TNFRSF11A: variants seen among roughly 807,000 people sequenced by gnomAD.
TNFRSF11A encodes TNF receptor superfamily member 11a.
In TNFRSF11A, 32 loss-of-function variants were observed where a neutral mutation model predicts 55.7. The ratio of observed to expected loss-of-function variants is 0.57; its 90% CI spans 0.43 to 0.77. The LOEUF is 0.77. Ranked by LOEUF, TNFRSF11A falls within the 30% of genes least tolerant of loss-of-function variation. The probability of loss-of-function intolerance (pLI) is 0.00; values close to 1 mark genes in which losing one functional copy is unlikely to be tolerated. For missense variants in TNFRSF11A, 753 were observed against 809.8 expected (o/e 0.93, Z 0.85); for synonymous variants, 311 against 331.0 (o/e 0.94, Z 0.65).
At chr18:62,357,539 A>T (rs1909349951) in intron 4 of TNFRSF11A, among the ~76,000 whole-genome samples, 1 of 152,186 alleles carries the variant, frequency 6.6e-6, no homozygotes. Flanking sequence ...ATTGCTTTTA[A>T]TGTATTGTTG....
At chr18:62,374,395 A>T (rs1287597694) in intron 9 of TNFRSF11A, among the ~76,000 whole-genome samples, 3 of 152,242 alleles carry the variant, frequency 2.0e-5, no homozygotes, top group Non-Finnish European at 2.9e-5. Context: ...TTACATTTCC[A>T]TAAAAAGGAA....
At chr18:62,328,690 C>T (rs1188929855) in intron 1 of TNFRSF11A, among the ~76,000 whole-genome samples, 1 of 152,164 alleles carries the variant, frequency 6.6e-6, no homozygotes, top group Non-Finnish European at 1.5e-5. Context: ...TTTCCTCCTG[C>T]CCCCCATCCC....
intron 8 of TNFRSF11A, 117 bp downstream of exon 8, chr18:62,366,877 C>A: frequency 9.3e-7 from 1 of 1,074,142 alleles, no homozygotes; most frequent in Non-Finnish European, 1.4e-6. Context: ...GAGACGGAGT[C>A]TCGCTCTGTG....
intron 3 of TNFRSF11A, among the ~76,000 whole-genome samples, chr18:62,353,898 C>G (rs1043864243): frequency 2.6e-5 from 4 of 152,110 alleles, no homozygotes; most frequent in Non-Finnish European, 4.4e-5. Flanking sequence ...GCCTCTGTAC[C>G]CTCTCCATGC....
intron 1 of TNFRSF11A, among the ~76,000 whole-genome samples, chr18:62,327,500 C>T (rs1278322951): frequency 6.6e-6 from 1 of 152,214 alleles, no homozygotes; most frequent in Non-Finnish European, 1.5e-5. Context: ...AGACTAGATG[C>T]AGCCTTAAAA....
Position 62,369,485 on chromosome 18 carries a change from G to T in TNFRSF11A, c.1567+1G>T. 6.2e-7 allele frequency: 1 copy of T among 1,605,066 alleles called. No individual in the cohort carries two copies. On this transcript the variant is annotated splice_donor_variant, in intron 9 of 9. Coordinates refer to ENST00000586569, the MANE Select transcript of TNFRSF11A (RefSeq NM_003839.4). LOFTEE classifies it high-confidence loss of function. ...CCTGGTGGCCAGTCCCCTGCATCTG[G>T]TAAGTGACTTCCCAGTCTCTCACTT... is the stretch of plus-strand genomic sequence containing the variant.
Position 62,383,684 on chromosome 18 carries a change from T to G in TNFRSF11A, c.1568-1067T>G, listed in dbSNP as rs1911453043. On this transcript the variant is annotated intron_variant, in intron 9 of 9. Transcript: ENST00000586569. The surrounding 1 kb of genome is among the most constrained non-coding windows in gnomAD (Gnocchi z 4.2). ...TTGCCTAACATTTGTTGGACTTTGT[T>G]TGTTTTTCAAAAGGCCCGTTGCTGA... is the stretch of plus-strand genomic sequence containing the variant. Among the ~76,000 whole-genome samples the G allele has an allele frequency of 6.6e-6, 1 of 152,134 alleles. No individual in the cohort carries two copies. The highest frequency in any genetic ancestry group is 2.4e-5 in the African/African-American group (1 of 41,420).
At chr18:62,335,653 C>T (rs1325132499) in intron 1 of TNFRSF11A, among the ~76,000 whole-genome samples, 1 of 152,148 alleles carries the variant, frequency 6.6e-6, no homozygotes, top group African/African-American at 2.4e-5. Context: ...CGTGTTCAGT[C>T]CTTATTAGAA....
intron 7 of TNFRSF11A, among the ~76,000 whole-genome samples, chr18:62,365,992 ATT>A (rs1347278242): frequency 1.3e-5 from 2 of 151,910 alleles, no homozygotes; most frequent in Non-Finnish European, 2.9e-5. Flanking sequence ...TAATTTTTGT[ATT>A]TTTAGTAGAG....
chr18:62,372,466 T>C (rs1461123152), intron 9 of TNFRSF11A, among the ~76,000 whole-genome samples: 1 of 151,348 alleles, frequency 6.6e-6, no homozygotes, highest in African/African-American at 2.4e-5. Context: ...CTGGAGAAAG[T>C]TGGGGTGGTC....
intron 1 of TNFRSF11A, among the ~76,000 whole-genome samples, chr18:62,341,244 G>A (rs1409677558): frequency 6.6e-6 from 1 of 152,134 alleles, no homozygotes; most frequent in Non-Finnish European, 1.5e-5. Flanking sequence ...ACCACTCATC[G>A]CCAATTTCAC....
At chr18:62,354,190 C>A (rs1568482040) in intron 3 of TNFRSF11A, among the ~76,000 whole-genome samples, 2 of 152,160 alleles carry the variant, frequency 1.3e-5, no homozygotes, top group African/African-American at 2.4e-5. Context: ...GAGAGAAGAA[C>A]CCCCCCGTGA....
chr18:62,379,504 T>C (rs1911119714), intron 9 of TNFRSF11A, among the ~76,000 whole-genome samples: 1 of 152,242 alleles, frequency 6.6e-6, no homozygotes, highest in Admixed American at 6.5e-5. Context: ...TGAAAACTAC[T>C]GAATACTTTG....
At chr18:62,348,324 AG>A in intron 2 of TNFRSF11A, 75 bp downstream of exon 2, 1 of 1,391,816 alleles carries the variant, frequency 7.2e-7, no homozygotes, top group African/African-American at 1.4e-5. Context: ...TCTGTCTGCC[AG>A]ATGAAAAAAA....
At chr18:62,372,524 C>G (rs1019153312) in intron 9 of TNFRSF11A, among the ~76,000 whole-genome samples, 2 of 149,812 alleles carry the variant, frequency 1.3e-5, no homozygotes, top group Non-Finnish European at 3.0e-5. Context: ...TTAATTATTT[C>G]AACTTTTATC....
At position 62,368,771 on chromosome 18, in the gene TNFRSF11A, T is replaced by G; in HGVS notation, c.854T>G (p.Val285Gly). The G allele has an allele frequency of 6.2e-7, 1 of 1,614,182 alleles. No individual in the cohort carries two copies. The highest frequency in any genetic ancestry group is 8.5e-7 in the Non-Finnish European group (1 of 1,180,022). Residue 285 changes from valine to glycine, a missense_variant, in exon 9 of 10, where the codon GTC becomes GGC. This residue lies in a region of TNFRSF11A where 567 missense variants were observed against 596.7 expected (regional missense o/e 0.95). Coordinates refer to ENST00000586569, the MANE Select transcript of TNFRSF11A (RefSeq NM_003839.4). ...GGTCAGCAGGGAGCATGTGAAGGTG[T>G]CTTACTGCTGACTCTGGAGGAGAAG... ...NFGQQGACEG[V>G]LLLTLEEKTF...
intron 1 of TNFRSF11A, among the ~76,000 whole-genome samples, chr18:62,344,635 T>A (rs1354146162): frequency 6.6e-6 from 1 of 152,198 alleles, no homozygotes; most frequent in Non-Finnish European, 1.5e-5. Flanking sequence ...AGAGTCTGAC[T>A]GAAGTTCTAG....
intron 1 of TNFRSF11A, among the ~76,000 whole-genome samples, chr18:62,345,674 C>T (rs2046372399): frequency 6.6e-6 from 1 of 152,110 alleles, no homozygotes; most frequent in Non-Finnish European, 1.5e-5. Flanking sequence ...TGCTAAAAAC[C>T]ACTGAACGGT....
Position 62,390,774 on chromosome 18 carries a change from T to C in TNFRSF11A, c.*5740T>C, listed in dbSNP as rs543852492. ...CTCTCTTTCAATGACAAAGAAACCA[T>C]TAAAATGAATGTTTAAAGTTCTTAG... is the stretch of plus-strand genomic sequence containing the variant. On this transcript the variant is annotated 3_prime_UTR_variant, in exon 10 of 10. Transcript: ENST00000586569. 5 of 152,146 alleles carry C rather than the reference T, an allele frequency of 3.3e-5. No homozygotes were observed. Among genetic ancestry groups the C allele is most frequent in the African/African-American group, 4.8e-5 (2 of 41,454 alleles). The allele number at this position is 152,146 out of a possible 1,614,324, so 9.4% of individuals were successfully genotyped here. A position where few individuals can be genotyped will look rare whatever the true frequency, so the allele number is the denominator to read the frequency against.
Sources: allele counts gnomAD v4.1 joint callset (sites outside exome capture counted in the v4.1 genomes callset), GRCh38; gene constraint gnomAD v4.1.1; regional missense constraint gnomAD v4.1.1; non-coding constraint Gnocchi (gnomAD v3.1); transcripts MANE v1.5; gene names NCBI Gene and HGNC (gene_info 2026-07-23, HGNC 2026-07-21).